FBXO16: variants seen among roughly 807,000 people sequenced by gnomAD.
FBXO16 encodes the protein F-box only protein 16.
FBXO16 carries 31 observed loss-of-function variants against 41.0 expected under a neutral mutation model. The observed-to-expected ratio is 0.76, with a 90% CI of 0.57 to 1.02. FBXO16 has a LOEUF of 1.02. Ranked by LOEUF, FBXO16 falls within the 50% of genes least tolerant of loss-of-function variation. The pLI is 0.00. For synonymous variants in FBXO16, 133 were observed against 117.8 expected, an observed-to-expected ratio of 1.13 and a Z score of -0.84; for missense variants, 361 against 346.2, an observed-to-expected ratio of 1.04 and a Z score of -0.34.
chr8:28,446,872 T>TAAAC lies in FBXO16; in HGVS notation c.843+295_843+298dup, dbSNP rs151211203. Reference sequence around the variant, plus strand: ...GGAAGACAAGAACAAGACTCTGTCTTAAACAAACAAACAAAAAAACTCCCC... The same window carrying TAAAC: ...GGAAGACAAGAACAAGACTCTGTCTTAAACAAACAAACAAACAAAAAAACTCCCC... On this transcript the variant is annotated intron_variant, in intron 7 of 8. Transcript: ENST00000380254. The TAAAC allele has an allele frequency of 5.4e-3, 1,079 of 199,390 alleles. 35 individuals carry two copies. The East Asian group carries it at 0.086, about 16-fold the overall frequency. 12.4% of individuals were successfully genotyped at this position (199,390 alleles called of 1,614,324 possible). A position where few individuals can be genotyped will look rare whatever the true frequency, so the allele number is the denominator to read the frequency against.
intron 5 of FBXO16, among the ~76,000 whole-genome samples, chr8:28,453,776 A>C (rs1802993232): frequency 6.6e-6 from 1 of 151,902 alleles, no homozygotes; most frequent in African/African-American, 2.4e-5. Context: ...TTATTTGTTT[A>C]TTTGTCTACG....
chr8:28,473,999 G>C (rs901725365), intron 2 of FBXO16, among the ~76,000 whole-genome samples, 192 bp from the exon 3 acceptor site: 4 of 151,198 alleles, frequency 2.6e-5, no homozygotes, highest in African/African-American at 9.7e-5. Context: ...TTTTCTTTCA[G>C]TTTCTACATG....
intron 6 of FBXO16, among the ~76,000 whole-genome samples, chr8:28,449,400 C>A (rs1459914499): frequency 2.7e-5 from 4 of 147,124 alleles, no homozygotes; most frequent in African/African-American, 1.0e-4. Context: ...TGGCTCATTG[C>A]AGCCTCCACT....
intron 3 of FBXO16, among the ~76,000 whole-genome samples, chr8:28,464,969 A>C (rs530153719): frequency 1.3e-5 from 2 of 152,198 alleles, no homozygotes; most frequent in African/African-American, 2.4e-5. Flanking sequence ...GAATTTTATA[A>C]TCTGTTTATA....
chr8:28,460,245 A>ATATATTTTTTT (rs1477457728), intron 4 of FBXO16, among the ~76,000 whole-genome samples: 4 of 85,484 alleles, frequency 4.7e-5, no homozygotes, highest in African/African-American at 2.5e-4. Flanking sequence ...ATATATATAT[A>ATATATTTTTTT]TTTTTTTTTT....
At chr8:28,470,051 G>A (rs751979348) in intron 3 of FBXO16, among the ~76,000 whole-genome samples, 7 of 151,080 alleles carry the variant, frequency 4.6e-5, no homozygotes, top group Non-Finnish European at 8.8e-5. Context: ...AAAATTAGCC[G>A]GGCGCGGTGG....
intron 3 of FBXO16, among the ~76,000 whole-genome samples, chr8:28,470,978 A>G (rs1319289819): frequency 1.3e-5 from 2 of 152,170 alleles, no homozygotes; most frequent in Non-Finnish European, 2.9e-5. Context: ...TATTATTTAT[A>G]TTAGCAACAG....
chr8:28,429,490 C>T, intron 7 of FBXO16, 87 bp from the exon 8 acceptor site: 2 of 1,509,738 alleles, frequency 1.3e-6, no homozygotes, highest in Non-Finnish European at 9.2e-7. Context: ...GAGAGTGAGG[C>T]ACTCTTCAAA....
At chr8:28,429,756 G>A (rs549480607) in intron 7 of FBXO16, among the ~76,000 whole-genome samples, 6 of 152,076 alleles carry the variant, frequency 3.9e-5, no homozygotes, top group Admixed American at 2.0e-4. Flanking sequence ...AATGATATCC[G>A]CCGATGACAG....
chr8:28,466,170 C>T (rs765136406), intron 3 of FBXO16, among the ~76,000 whole-genome samples: 7 of 151,794 alleles, frequency 4.6e-5, no homozygotes, highest in African/African-American at 9.7e-5. Flanking sequence ...ACCCAGGAGG[C>T]GGAGGTTGCG....
chr8:28,454,720 T>C (rs1448565183), intron 5 of FBXO16, among the ~76,000 whole-genome samples: 2 of 83,762 alleles, frequency 2.4e-5, no homozygotes, highest in Non-Finnish European at 4.0e-5. Context: ...AGAGCAAGAC[T>C]CCGTCTTAAA....
At chr8:28,463,356 GTA>G (rs1174455314) in intron 4 of FBXO16, among the ~76,000 whole-genome samples, 5 of 148,644 alleles carry the variant, frequency 3.4e-5, no homozygotes, top group South Asian at 2.2e-4. Context: ...TTGTGTTTGT[GTA>G]TATGTGTGTA....
At chr8:28,431,616 A>G (rs1802607027) in intron 7 of FBXO16, among the ~76,000 whole-genome samples, 1 of 152,182 alleles carries the variant, frequency 6.6e-6, no homozygotes, top group African/African-American at 2.4e-5. Flanking sequence ...TCTTCATAGC[A>G]CATAGACTTA....
intron 3 of FBXO16, among the ~76,000 whole-genome samples, chr8:28,466,879 C>T (rs898101065): frequency 5.9e-5 from 9 of 152,124 alleles, no homozygotes. Flanking sequence ...GAGTTTTGAA[C>T]TGGATCTCCT....
At chr8:28,459,623 A>AAT (rs1803091755) in intron 4 of FBXO16, among the ~76,000 whole-genome samples, 3 of 137,880 alleles carry the variant, frequency 2.2e-5, no homozygotes, top group Non-Finnish European at 3.1e-5. Flanking sequence ...CCTGTCTCAA[A>AAT]AATAATAATA....
chr8:28,443,747 T>C (rs1025802369), intron 7 of FBXO16, among the ~76,000 whole-genome samples: 3 of 152,034 alleles, frequency 2.0e-5, no homozygotes, highest in African/African-American at 4.8e-5. Context: ...AAGACCTTAA[T>C]GATAAAACAG....
intron 7 of FBXO16, among the ~76,000 whole-genome samples, chr8:28,440,121 T>G (rs1040833529): frequency 5.3e-5 from 8 of 151,752 alleles, no homozygotes. Flanking sequence ...TTATTATTAT[T>G]ATTTATTTAA....
chr8:28,459,543 G>A lies in FBXO16; in HGVS notation c.343-2613C>T, dbSNP rs567569931. Among the ~76,000 whole-genome samples the A allele has an allele frequency of 4.6e-4, 69 of 151,304 alleles. 1 individual carries two copies. Among genetic ancestry groups the A allele is most frequent in the African/African-American group, 1.5e-3 (64 of 41,312 alleles). ...TGAGGCAAGAGAATTGCTTGAACCCGGGGTGGGCGGAGGTTGCAGTGAGCC... is the reference window on the plus strand; with the variant it reads ...TGAGGCAAGAGAATTGCTTGAACCCAGGGTGGGCGGAGGTTGCAGTGAGCC... On this transcript the variant is annotated intron_variant, in intron 4 of 8. Transcript: ENST00000380254.
Position 28,447,271 on chromosome 8 carries a change from C to T in FBXO16, c.743G>A (p.Arg248Lys), listed in dbSNP as rs1278875428. The change falls in exon 7 of 9, where the codon AGA becomes AAA. Residue 248 changes from arginine to lysine, a missense_variant and splice_region_variant. Physicochemically the swap from Arg to Lys is conservative, Grantham distance 26 (BLOSUM62 2). Coordinates refer to ENST00000380254, the MANE Select transcript of FBXO16 (RefSeq NM_172366.4). ...RDPMETVQQG[R>K]RKRNQMTPDF... The stretch of plus-strand genomic sequence containing the variant: ...TGGGGTCATTTGGTTTCTTTTTCTT[C>T]TTCTGTAAATTGGAAAGCAGTGGGA... The T allele has an allele frequency of 6.8e-6, 11 of 1,610,998 alleles. No homozygotes were observed. Among genetic ancestry groups the T allele is most frequent in the South Asian group, 1.1e-5 (1 of 90,878 alleles).
Sources: gnomAD v4.1 joint callset for allele counts (sites outside exome capture counted in the v4.1 genomes callset) on GRCh38, gnomAD v4.1.1 for gene constraint, MANE v1.5 for transcripts, NCBI Gene and HGNC (gene_info 2026-07-23, HGNC 2026-07-21) for gene names.